Variants in SIRPA observed in about 807,000 individuals in gnomAD.
The protein encoded by SIRPA is signal regulatory protein alpha.
Under a neutral mutation model 50.3 loss-of-function variants are expected in SIRPA, and 9 were observed. The ratio of observed to expected loss-of-function variants is 0.18; its 90% CI spans 0.11 to 0.31. SIRPA has a LOEUF of 0.31. Among genes scored for constraint, SIRPA ranks in the 10% least tolerant of loss-of-function variants. The pLI is 1.00. For missense variants in SIRPA, 474 were observed against 661.6 expected, an observed-to-expected ratio of 0.72 and a Z score of 3.11; for synonymous variants, 265 against 284.1, an observed-to-expected ratio of 0.93 and a Z score of 0.68.
In SIRPA at chr20:1,933,589, A is replaced by T. The variant is rs571491786; in HGVS notation, c.1227-1126A>T. Reference sequence around the variant, plus strand: ...AGTAGTGTGGGGACAGATCTGCGTGATCTTCCCCAGCAGACGTGCCCCTGC... The same window carrying T: ...AGTAGTGTGGGGACAGATCTGCGTGTTCTTCCCCAGCAGACGTGCCCCTGC... On this transcript the variant is annotated intron_variant, in intron 6 of 7. Transcript: ENST00000358771. This position sits in a 1 kb window ranked among gnomAD's most constrained non-coding sequence, Gnocchi z 4.4. Among the ~76,000 whole-genome samples, 6 of 152,218 alleles carry T rather than the reference A, an allele frequency of 3.9e-5. No homozygotes were observed. The East Asian group carries it at 7.7e-4, about 20-fold the overall frequency.
intron 1 of SIRPA, among the ~76,000 whole-genome samples, chr20:1,912,014 CACTT>C (rs1984916319): frequency 2.0e-5 from 3 of 151,948 alleles, no homozygotes; most frequent in Admixed American, 6.6e-5. Context: ...TAATATTTGG[CACTT>C]ACGTCGCACT....
At chr20:1,922,758 A>C in intron 4 of SIRPA, 113 bp downstream of exon 4, 7 of 1,261,126 alleles carry the variant, frequency 5.6e-6, no homozygotes, top group Non-Finnish European at 7.5e-6. Context: ...GAAGTCTATA[A>C]ATATAAAGTA....
At chr20:1,900,784 C>T (rs563134677) in intron 1 of SIRPA, among the ~76,000 whole-genome samples, 39 of 152,308 alleles carry the variant, frequency 2.6e-4, no homozygotes, top group African/African-American at 9.1e-4. Context: ...CCGAATTCCC[C>T]GGGAAAACAC....
intron 2 of SIRPA, among the ~76,000 whole-genome samples, chr20:1,920,739 AAG>A (rs1053871783): frequency 6.6e-5 from 10 of 152,218 alleles, no homozygotes; most frequent in African/African-American, 2.4e-4. Context: ...TAAATACCTG[AAG>A]AGAGAGCTTT....
rs1214615390 is a variant in SIRPA, at chr20:1,939,618, T to C, written c.*2050T>C. The C allele has an allele frequency of 1.3e-5, 2 of 152,292 alleles. No homozygotes were observed. Among genetic ancestry groups the C allele is most frequent in the African/African-American group, 4.8e-5 (2 of 41,458 alleles). 9.4% of individuals were successfully genotyped at this position (152,292 alleles called of 1,614,324 possible). A position where few individuals can be genotyped will look rare whatever the true frequency, so the allele number is the denominator to read the frequency against. On this transcript the variant is annotated 3_prime_UTR_variant, in exon 8 of 8. Transcript: ENST00000358771. This position sits in a 1 kb window ranked among gnomAD's most constrained non-coding sequence, Gnocchi z 4.7. ...TTTTCTTGGTGCCATTTTCATTTTATTTTATTTTTTAATTCTTGGAGGGGG... is the reference window on the plus strand; with the variant it reads ...TTTTCTTGGTGCCATTTTCATTTTACTTTATTTTTTAATTCTTGGAGGGGG...
At chr20:1,930,559 A>G (rs370254659) in intron 6 of SIRPA, among the ~76,000 whole-genome samples, 2 of 152,030 alleles carry the variant, frequency 1.3e-5, no homozygotes, top group South Asian at 2.1e-4. Flanking sequence ...ATCTAGGAGG[A>G]TCTCTCTTTT....
At position 1,920,132 on chromosome 20, in the gene SIRPA, C is replaced by T. The variant is rs538455190; in HGVS notation, c.437-1263C>T. On this transcript the variant is annotated intron_variant, in intron 2 of 7. Coordinates refer to ENST00000358771, the MANE Select transcript of SIRPA (RefSeq NM_001040023.2). ...CCTAAAAGGGGCTCACACGAGGATC[C>T]CCTCACAGAGATGGAGTGAGGATTA... Among the ~76,000 whole-genome samples the T allele has an allele frequency of 3.3e-5, 5 of 152,254 alleles. No individual in the cohort carries two copies. In the South Asian group the frequency reaches 1.0e-3, roughly 32 times the overall value.
In SIRPA at chr20:1,895,541, G is replaced by A; in HGVS notation, c.79+15G>A. 7.0e-7 allele frequency: 1 copy of A among 1,429,742 alleles called. No homozygotes were observed. Among genetic ancestry groups the A allele is most frequent in the South Asian group, 1.5e-5 (1 of 68,020 alleles). 88.6% of individuals were successfully genotyped at this position (1,429,742 alleles called of 1,614,324 possible). A position where few individuals can be genotyped will look rare whatever the true frequency, so the allele number is the denominator to read the frequency against. On this transcript the variant is annotated intron_variant, in intron 1 of 7. Transcript: ENST00000358771. Reference sequence around the variant, plus strand: ...CGCCTGGTCAGGTAAGCACCCCCCCGCTCCCCACCGCTGCACTCCCCAAAC... The same window carrying A: ...CGCCTGGTCAGGTAAGCACCCCCCCACTCCCCACCGCTGCACTCCCCAAAC...
In SIRPA at chr20:1,927,004, T is replaced by C. The variant is rs1487526288; in HGVS notation, c.1202-871T>C. Reference sequence around the variant, plus strand: ...TATCACTGGATTCCCAGAGATGACTTGTGTCCAGCACTTTGCAACCTGTCA... The same window carrying C: ...TATCACTGGATTCCCAGAGATGACTCGTGTCCAGCACTTTGCAACCTGTCA... On this transcript the variant is annotated intron_variant, in intron 5 of 7. Coordinates refer to ENST00000358771, the MANE Select transcript of SIRPA (RefSeq NM_001040023.2). This position sits in a 1 kb window ranked among gnomAD's most constrained non-coding sequence, Gnocchi z 6.5. Among the ~76,000 whole-genome samples the C allele has an allele frequency of 6.6e-6, 1 of 152,200 alleles. No homozygotes were observed. The highest frequency in any genetic ancestry group is 1.5e-5 in the Non-Finnish European group (1 of 68,030).
chr20:1,904,631 TTAGC>T (rs1219315121), intron 1 of SIRPA, among the ~76,000 whole-genome samples: 1 of 152,238 alleles, frequency 6.6e-6, no homozygotes, highest in Non-Finnish European at 1.5e-5. Context: ...TCGATGCTTA[TTAGC>T]TATTGTTACT....
intron 6 of SIRPA, among the ~76,000 whole-genome samples, chr20:1,931,047 C>T (rs1986274321): frequency 6.6e-6 from 1 of 152,110 alleles, no homozygotes; most frequent in South Asian, 2.1e-4. Flanking sequence ...GTGTATTAAC[C>T]CACTTGTGAT....
At chr20:1,895,328 G>C (rs1169178505), upstream of SIRPA, 1 of 614,656 alleles carries the variant, frequency 1.6e-6, no homozygotes, top group African/African-American at 2.0e-5. Flanking sequence ...CCGGAGTCGG[G>C]GGGAGGCCCA....
intron 1 of SIRPA, among the ~76,000 whole-genome samples, chr20:1,912,307 T>C (rs942190406): frequency 2.0e-5 from 3 of 152,238 alleles, no homozygotes; most frequent in Non-Finnish European, 4.4e-5. Context: ...CCCCTTGTGG[T>C]GTTATTGATA....
Position 1,924,745 on chromosome 20 carries a change from T to C in SIRPA, c.1088-19T>C. The C allele has an allele frequency of 6.2e-7, 1 of 1,602,272 alleles. No individual in the cohort carries two copies. The highest frequency in any genetic ancestry group is 8.5e-7 in the Non-Finnish European group (1 of 1,169,688). ...TTTTAATCTGCATACGTGAAGCCTC[T>C]ATTCCATGTGGTCCCTAGAGAACAC... On this transcript the variant is annotated intron_variant, in intron 4 of 7. Coordinates refer to ENST00000358771, the MANE Select transcript of SIRPA (RefSeq NM_001040023.2). The surrounding 1 kb of genome is among the most constrained non-coding windows in gnomAD (Gnocchi z 4.5).
rs142036863 is a variant in SIRPA at position 1,900,883 on chromosome 20, C to G, written c.79+5357C>G. Among the ~76,000 whole-genome samples the G allele has an allele frequency of 5.4e-3, 819 of 152,332 alleles. 10 individuals carry two copies. The highest frequency in any genetic ancestry group is 0.019 in the African/African-American group (773 of 41,584). On this transcript the variant is annotated intron_variant, in intron 1 of 7. Coordinates refer to ENST00000358771, the MANE Select transcript of SIRPA (RefSeq NM_001040023.2). Reference sequence around the variant, plus strand: ...TGACCCTGGTGGTACTCACAGCCACCTGGCGATGCACGTCGTTATCTTCGG... The same window carrying G: ...TGACCCTGGTGGTACTCACAGCCACGTGGCGATGCACGTCGTTATCTTCGG...
At chr20:1,902,308 T>C (rs6035018) in intron 1 of SIRPA, among the ~76,000 whole-genome samples, 33,977 of 151,962 alleles carry the variant, frequency 0.22, 4,371 homozygotes, top group East Asian at 0.62. Flanking sequence ...AGTATGGCCC[T>C]TCATCCCCAC....
chr20:1,935,028 T>G (rs1986497602), intron 7 of SIRPA, among the ~76,000 whole-genome samples: 1 of 151,988 alleles, frequency 6.6e-6, no homozygotes, highest in Non-Finnish European at 1.5e-5. Flanking sequence ...TGCCCTGGAG[T>G]CAGGCTGCAG....
At chr20:1,916,683 A>C (rs1985321882) in intron 2 of SIRPA, among the ~76,000 whole-genome samples, 1 of 152,212 alleles carries the variant, frequency 6.6e-6, no homozygotes, top group African/African-American at 2.4e-5. Context: ...ATAGCTACAG[A>C]ATACTCCAGC....
chr20:1,897,414 A>G (rs903773902), intron 1 of SIRPA, among the ~76,000 whole-genome samples: 2 of 152,208 alleles, frequency 1.3e-5, no homozygotes, highest in Admixed American at 1.3e-4. Context: ...ATCCTTCAGT[A>G]TCTGTTCTTC....
Sources: allele counts gnomAD v4.1 joint callset (sites outside exome capture counted in the v4.1 genomes callset), GRCh38; gene constraint gnomAD v4.1.1; non-coding constraint Gnocchi (gnomAD v3.1); transcripts MANE v1.5; gene names NCBI Gene and HGNC (gene_info 2026-07-23, HGNC 2026-07-21).